The following DBX2 variants were observed in gnomAD, a reference collection of about 807,000 sequenced individuals.
The protein encoded by DBX2 is developing brain homeobox 2.
DBX2 carries 16 observed loss-of-function variants against 17.7 expected under a neutral mutation model. That is an observed-to-expected ratio of 0.90 (90% CI 0.61 to 1.37). The LOEUF is 1.37. Among genes scored for constraint, DBX2 ranks in the 40% most tolerant of loss-of-function variants. The probability of loss-of-function intolerance (pLI) is 0.00; values close to 1 mark genes in which losing one functional copy is unlikely to be tolerated. For missense variants in DBX2, 538 were observed against 433.8 expected (o/e 1.24, Z -2.13); for synonymous variants, 255 against 183.8 (o/e 1.39, Z -3.13).
chr12:45,044,413 TAG>T (rs1372042535), intron 1 of DBX2, among the ~76,000 whole-genome samples: 3 of 152,164 alleles, frequency 2.0e-5, no homozygotes, highest in African/African-American at 7.2e-5. Context: ...TTAAAAATAA[TAG>T]AGACTTAAGG....
At chr12:45,027,468 G>A (rs992984576) in intron 2 of DBX2, among the ~76,000 whole-genome samples, 4 of 152,052 alleles carry the variant, frequency 2.6e-5, no homozygotes, top group Admixed American at 6.6e-5. Flanking sequence ...ACAGCAATAA[G>A]TATTAAAAAT....
intron 2 of DBX2, among the ~76,000 whole-genome samples, chr12:45,027,016 CAAT>C (rs1288980174): frequency 1.2e-4 from 18 of 152,228 alleles, no homozygotes; most frequent in African/African-American, 4.3e-4. Flanking sequence ...AAATATTGGT[CAAT>C]AATAAAAATA....
rs898698477 is a variant in DBX2, at chr12:45,039,355, C to CT, written c.404-3242dup. Among the ~76,000 whole-genome samples the CT allele has an allele frequency of 1.4e-4, 18 of 132,618 alleles. No homozygotes were observed. In the East Asian group the frequency reaches 1.8e-3, roughly 13 times the overall value. The allele number at this position is 132,618 out of a possible 152,430, so 87.0% of individuals were successfully genotyped here. A position where few individuals can be genotyped will look rare whatever the true frequency, so the allele number is the denominator to read the frequency against. ...ACTTTTAACTTTAGTGAACCATATACTTTTTTTAAGTAATGACCAAAACAG... is the reference window on the plus strand; with the variant it reads ...ACTTTTAACTTTAGTGAACCATATACTTTTTTTTAAGTAATGACCAAAACAG... On this transcript the variant is annotated intron_variant, in intron 1 of 3. Coordinates refer to ENST00000332700, the MANE Select transcript of DBX2 (RefSeq NM_001004329.3).
intron 1 of DBX2, among the ~76,000 whole-genome samples, chr12:45,040,784 A>AT (rs911788580): frequency 1.3e-5 from 2 of 152,160 alleles, no homozygotes; most frequent in Admixed American, 1.3e-4. Context: ...GAAAACAATA[A>AT]TTTTTTAAAT....
chr12:45,050,325 A>G (rs573205298), intron 1 of DBX2, among the ~76,000 whole-genome samples, 200 bp downstream of exon 1: 1 of 152,342 alleles, frequency 6.6e-6, no homozygotes, highest in South Asian at 2.1e-4. Flanking sequence ...TGGGGCAAAA[A>G]AGAATCACAG....
intron 3 of DBX2, among the ~76,000 whole-genome samples, chr12:45,021,480 T>C (rs1295736564): frequency 6.6e-6 from 1 of 152,210 alleles, no homozygotes; most frequent in Admixed American, 6.5e-5. Flanking sequence ...TCACAATTTC[T>C]CAGAGCACTG....
chr12:45,018,583 A>G (rs1946335264), intron 3 of DBX2, among the ~76,000 whole-genome samples: 1 of 152,110 alleles, frequency 6.6e-6, no homozygotes, highest in African/African-American at 2.4e-5. Context: ...TGGAAAAGAT[A>G]AAAAGGAGCT....
intron 1 of DBX2, among the ~76,000 whole-genome samples, chr12:45,046,073 G>T (rs1338412475): frequency 2.0e-5 from 3 of 152,098 alleles, no homozygotes; most frequent in African/African-American, 7.2e-5. Flanking sequence ...TTTGCTTGTT[G>T]TTAGAGCAAA....
rs749431782 is a variant in DBX2 at position 45,050,894 on chromosome 12, C to G, written c.34G>C (p.Ala12Pro). 1 of 1,520,188 alleles carries G rather than the reference C, an allele frequency of 6.6e-7. No homozygotes were observed. 94.2% of individuals were successfully genotyped at this position (1,520,188 alleles called of 1,614,324 possible). A position where few individuals can be genotyped will look rare whatever the true frequency, so the allele number is the denominator to read the frequency against. Residue 12 changes from alanine (A) to proline (P), a missense_variant, in exon 1 of 4, where the codon GCG becomes CCG. Coordinates refer to ENST00000332700, the MANE Select transcript of DBX2 (RefSeq NM_001004329.3). Reference protein sequence around the residue: ...LPSAVAAHAGAYWDVVASSAL... With the variant: ...LPSAVAAHAGPYWDVVASSAL... ...GAGGAAGCCACAACGTCCCAGTACG[C>G]ACCGGCGTGGGCTGCGACCGCGCTG...
Position 45,034,799 on chromosome 12 carries a change from A to G in DBX2, c.499+1220T>C, listed in dbSNP as rs184213962. Among the ~76,000 whole-genome samples the G allele has an allele frequency of 3.5e-3, 536 of 152,322 alleles. 2 individuals carry two copies. Among genetic ancestry groups the G allele is most frequent in the South Asian group, 7.5e-3 (36 of 4,828 alleles). Reference sequence around the variant, plus strand: ...AAATTCACTTGGAATGTGAGACAGGAGAAAAGACTGACACACAGAGCCTTG... The same window carrying G: ...AAATTCACTTGGAATGTGAGACAGGGGAAAAGACTGACACACAGAGCCTTG... On this transcript the variant is annotated intron_variant, in intron 2 of 3. Coordinates refer to ENST00000332700, the MANE Select transcript of DBX2 (RefSeq NM_001004329.3).
At chr12:45,044,625 T>C (rs1946490018) in intron 1 of DBX2, among the ~76,000 whole-genome samples, 1 of 152,184 alleles carries the variant, frequency 6.6e-6, no homozygotes, top group Non-Finnish European at 1.5e-5. Context: ...CAGCAATTTT[T>C]ACAAAAAGAC....
chr12:45,050,464 C>G lies in DBX2; in HGVS notation c.403+61G>C, dbSNP rs1946524000. Reference sequence around the variant, plus strand: ...TGCGCACCGCCGGCGCTCCCAGATCCCTGGACCACCCGGCCTGGGGGCGCG... The same window carrying G: ...TGCGCACCGCCGGCGCTCCCAGATCGCTGGACCACCCGGCCTGGGGGCGCG... On this transcript the variant is annotated intron_variant, in intron 1 of 3. Coordinates refer to ENST00000332700, the MANE Select transcript of DBX2 (RefSeq NM_001004329.3). The G allele has an allele frequency of 9.1e-6, 14 of 1,533,774 alleles. 1 individual carries two copies. In the East Asian group the frequency reaches 3.5e-4, roughly 38 times the overall value.
chr12:45,017,388 C>T (rs1946329605), intron 3 of DBX2, among the ~76,000 whole-genome samples: 1 of 152,136 alleles, frequency 6.6e-6, no homozygotes, highest in Admixed American at 6.5e-5. Flanking sequence ...AGTTTGGAGA[C>T]ATTAGCTTAT....
At chr12:45,040,183 C>A (rs890300249) in intron 1 of DBX2, among the ~76,000 whole-genome samples, 2 of 151,988 alleles carry the variant, frequency 1.3e-5, no homozygotes, top group African/African-American at 4.8e-5. Context: ...ATAAAGCAGG[C>A]AGAAAAAAGT....
chr12:45,023,012 C>T (rs528223787), intron 3 of DBX2, among the ~76,000 whole-genome samples: 1 of 152,300 alleles, frequency 6.6e-6, no homozygotes, highest in South Asian at 2.1e-4. Flanking sequence ...GTGTATTTCA[C>T]ATGACAATTA....
intron 3 of DBX2, among the ~76,000 whole-genome samples, chr12:45,020,718 TCTTCA>T (rs1161724707): frequency 6.6e-6 from 1 of 151,114 alleles, no homozygotes; most frequent in African/African-American, 2.4e-5. Context: ...ATTCTCAGCT[TCTTCA>T]CTTGTGAAAT....
chr12:45,035,353 C>T (rs1946434267), intron 2 of DBX2, among the ~76,000 whole-genome samples: 1 of 152,204 alleles, frequency 6.6e-6, no homozygotes, highest in Non-Finnish European at 1.5e-5. Context: ...CCAGAAATCT[C>T]AAGACCAAGG....
At chr12:45,042,706 G>C (rs1273805192) in intron 1 of DBX2, among the ~76,000 whole-genome samples, 1 of 152,244 alleles carries the variant, frequency 6.6e-6, no homozygotes, top group Non-Finnish European at 1.5e-5. Context: ...CCTGGCAGTG[G>C]TGGACGGGAT....
chr12:45,044,329 G>A (rs543109169), intron 1 of DBX2, among the ~76,000 whole-genome samples: 109 of 151,988 alleles, frequency 7.2e-4, no homozygotes, highest in African/African-American at 2.6e-3. Context: ...CAGCAGTCAC[G>A]GTTTTTATTC....
Sources: gnomAD v4.1 joint callset for allele counts (sites outside exome capture counted in the v4.1 genomes callset) on GRCh38, gnomAD v4.1.1 for gene constraint, MANE v1.5 for transcripts, NCBI Gene and HGNC (gene_info 2026-07-23, HGNC 2026-07-21) for gene names.